The following RAP1A variants were observed in gnomAD, a reference collection of about 807,000 sequenced individuals.
RAP1A encodes ras-related protein Rap-1A.
Under a neutral mutation model 26.4 loss-of-function variants are expected in RAP1A, and 6 were observed. The ratio of observed to expected loss-of-function variants is 0.23; its 90% CI spans 0.12 to 0.45. The LOEUF (loss-of-function observed/expected upper bound fraction) is 0.45, where lower values mean the gene tolerates loss of function less well. Among genes scored for constraint, RAP1A ranks in the 20% least tolerant of loss-of-function variants. RAP1A has a pLI of 0.99. For synonymous variants in RAP1A, 73 were observed against 79.4 expected (o/e 0.92, Z 0.43); for missense variants, 121 against 217.2 (o/e 0.56, Z 2.78).
At chr1:111,682,013 C>T (rs1301822724) in intron 1 of RAP1A, among the ~76,000 whole-genome samples, 3 of 152,174 alleles carry the variant, frequency 2.0e-5, no homozygotes, top group Admixed American at 2.0e-4. Flanking sequence ...AGAAACCCTA[C>T]AAGCCAGAAG....
At chr1:111,661,644 C>CA (rs1660640099) in intron 1 of RAP1A, among the ~76,000 whole-genome samples, 1 of 151,662 alleles carries the variant, frequency 6.6e-6, no homozygotes, top group African/African-American at 2.4e-5. Context: ...ACTAAAAATA[C>CA]AAAAATTAGC....
At chr1:111,676,601 A>G (rs1048415673) in intron 1 of RAP1A, among the ~76,000 whole-genome samples, 2 of 152,164 alleles carry the variant, frequency 1.3e-5, no homozygotes, top group Non-Finnish European at 2.9e-5. Flanking sequence ...ATTTTAAATA[A>G]TTCAGTTCAA....
At chr1:111,620,414 A>G (rs1312180935) in intron 1 of RAP1A, among the ~76,000 whole-genome samples, 1 of 149,048 alleles carries the variant, frequency 6.7e-6, no homozygotes, top group African/African-American at 2.5e-5. Context: ...CTTCAAACCC[A>G]GCTCTCCCTT....
intron 1 of RAP1A, among the ~76,000 whole-genome samples, chr1:111,570,199 A>G (rs1024447389): frequency 2.6e-5 from 4 of 152,148 alleles, no homozygotes; most frequent in Admixed American, 2.6e-4. Flanking sequence ...CTGAGGCTTC[A>G]AAACCAAGCC....
chr1:111,637,322 AAAAT>A (rs1206268235), intron 1 of RAP1A, among the ~76,000 whole-genome samples: 1 of 152,202 alleles, frequency 6.6e-6, no homozygotes, highest in Non-Finnish European at 1.5e-5. Context: ...ACTGTAGAAA[AAAAT>A]AAAGTACCAA....
intron 1 of RAP1A, among the ~76,000 whole-genome samples, chr1:111,679,266 C>T (rs959981111): frequency 6.6e-6 from 1 of 152,168 alleles, no homozygotes. Context: ...GGGGCATCGC[C>T]TCATCCGGGA....
chr1:111,653,120 C>T, intron 1 of RAP1A, among the ~76,000 whole-genome samples: 1 of 152,156 alleles, frequency 6.6e-6, no homozygotes, highest in East Asian at 1.9e-4. Flanking sequence ...CATCGATGAA[C>T]CTTGGAAGCA....
intron 1 of RAP1A, among the ~76,000 whole-genome samples, chr1:111,590,984 G>C (rs115950768): frequency 0.019 from 2,837 of 152,198 alleles, 38 homozygotes; most frequent in Non-Finnish European, 0.026. Context: ...TTAGGTGTTT[G>C]GCAGAATTGC....
At chr1:111,675,485 A>C (rs949026927) in intron 1 of RAP1A, among the ~76,000 whole-genome samples, 3 of 116,424 alleles carry the variant, frequency 2.6e-5, no homozygotes, top group Non-Finnish European at 6.2e-5. Context: ...AAAACAAAAC[A>C]AAAAAAACAG....
At chr1:111,588,959 A>T (rs961625004) in intron 1 of RAP1A, among the ~76,000 whole-genome samples, 1 of 152,350 alleles carries the variant, frequency 6.6e-6, no homozygotes, top group Middle Eastern at 3.4e-3. Flanking sequence ...TATAATCAAG[A>T]CAGAGTAAAA....
chr1:111,651,818 T>TGG (rs1287021817), intron 1 of RAP1A, among the ~76,000 whole-genome samples: 2 of 152,100 alleles, frequency 1.3e-5, no homozygotes, highest in Non-Finnish European at 2.9e-5. Context: ...TTCACCATGT[T>TGG]GGCCAGGATG....
At chr1:111,611,846 A>C (rs151335442) in intron 1 of RAP1A, among the ~76,000 whole-genome samples, 1 of 152,346 alleles carries the variant, frequency 6.6e-6, no homozygotes, top group African/African-American at 2.4e-5. Context: ...TTCATGGAAC[A>C]TATTTTTACT....
chr1:111,684,618 C>T (rs895224260), intron 1 of RAP1A, among the ~76,000 whole-genome samples: 4 of 152,038 alleles, frequency 2.6e-5, no homozygotes, highest in African/African-American at 9.7e-5. Flanking sequence ...AACCGCTGCA[C>T]AAGGAAATAA....
chr1:111,552,002 C>T (rs1231085446), intron 1 of RAP1A, among the ~76,000 whole-genome samples: 1 of 152,172 alleles, frequency 6.6e-6, no homozygotes, highest in Non-Finnish European at 1.5e-5. Flanking sequence ...AGTCCTTATT[C>T]GCCAAAGCAT....
chr1:111,658,406 T>C (rs1291657971), intron 1 of RAP1A, among the ~76,000 whole-genome samples: 1 of 152,142 alleles, frequency 6.6e-6, no homozygotes, highest in Non-Finnish European at 1.5e-5. Flanking sequence ...ATTGTAACTT[T>C]TTTACTTTAT....
intron 1 of RAP1A, among the ~76,000 whole-genome samples, chr1:111,689,898 G>C (rs371110796): frequency 6.6e-6 from 1 of 152,052 alleles, no homozygotes; most frequent in Non-Finnish European, 1.5e-5. Flanking sequence ...GGATGGTCTC[G>C]ATCTCCTGAC....
At chr1:111,587,575 A>G (rs970377829) in intron 1 of RAP1A, among the ~76,000 whole-genome samples, 1 of 152,080 alleles carries the variant, frequency 6.6e-6, no homozygotes, top group Admixed American at 6.6e-5. Context: ...GCAAAATATA[A>G]ATATTATCAT....
chr1:111,656,653 T>C (rs1374166768), intron 1 of RAP1A, among the ~76,000 whole-genome samples: 3 of 152,134 alleles, frequency 2.0e-5, no homozygotes, highest in Non-Finnish European at 2.9e-5. Context: ...ATTTGATAAT[T>C]GATCAATTCT....
chr1:111,677,469 TC>T, intron 1 of RAP1A, among the ~76,000 whole-genome samples: 1 of 152,358 alleles, frequency 6.6e-6, no homozygotes, highest in African/African-American at 2.4e-5. Context: ...GTCAACAGTT[TC>T]TGTGGATCAG....
Sources: gnomAD v4.1 joint callset for allele counts (sites outside exome capture counted in the v4.1 genomes callset) on GRCh38, gnomAD v4.1.1 for gene constraint, MANE v1.5 for transcripts, NCBI Gene and HGNC (gene_info 2026-07-23, HGNC 2026-07-21) for gene names.